Variants in ST6GAL1 observed in about 807,000 individuals in gnomAD.
ST6GAL1 encodes the protein ST6 beta-galactoside alpha-2,6-sialyltransferase 1, also known as beta-galactoside alpha-2,6-sialyltransferase 1.
ST6GAL1 carries 20 observed loss-of-function variants against 38.0 expected under a neutral mutation model. The ratio of observed to expected loss-of-function variants is 0.53; its 90% CI spans 0.37 to 0.77. The LOEUF (loss-of-function observed/expected upper bound fraction) is 0.77, where lower values mean the gene tolerates loss of function less well. ST6GAL1 is among the 30% of genes least tolerant of loss of function. The pLI, the probability that ST6GAL1 is intolerant of heterozygous loss-of-function variation, is 0.00. For missense variants in ST6GAL1, 432 were observed against 496.4 expected, an observed-to-expected ratio of 0.87 and a Z score of 1.23; for synonymous variants, 196 against 188.2, an observed-to-expected ratio of 1.04 and a Z score of -0.34.
intron 2 of ST6GAL1, among the ~76,000 whole-genome samples, chr3:186,992,415 T>C (rs1716203900): frequency 6.6e-6 from 1 of 152,270 alleles, no homozygotes; most frequent in Admixed American, 6.5e-5. Context: ...CTTTCCTTTA[T>C]AAATTACCCA....
intron 4 of ST6GAL1, among the ~76,000 whole-genome samples, chr3:187,046,839 G>A (rs1174593590): frequency 1.3e-5 from 2 of 152,232 alleles, no homozygotes; most frequent in Non-Finnish European, 2.9e-5. Context: ...CTCTGCTGTT[G>A]TACTGCAGAA....
chr3:186,935,854 G>A (rs1212206604), intron 1 of ST6GAL1, among the ~76,000 whole-genome samples: 2 of 151,878 alleles, frequency 1.3e-5, no homozygotes, highest in African/African-American at 2.4e-5. Context: ...GAGCAGTTGT[G>A]AAGTTTGTGT....
intron 4 of ST6GAL1, among the ~76,000 whole-genome samples, chr3:187,049,130 ATCC>A (rs1718422967): frequency 1.3e-5 from 2 of 152,162 alleles, no homozygotes; most frequent in African/African-American, 4.8e-5. Context: ...ACTTCAGGTG[ATCC>A]ACCCGCCTCG....
intron 5 of ST6GAL1, among the ~76,000 whole-genome samples, chr3:187,065,534 C>T (rs1719073479): frequency 6.6e-6 from 1 of 152,126 alleles, no homozygotes; most frequent in Non-Finnish European, 1.5e-5. Flanking sequence ...TGTAAATGGA[C>T]AGGTCTTTAA....
At position 187,022,166 on chromosome 3, in the gene ST6GAL1, C is replaced by A. The variant is rs1432720777; in HGVS notation, c.-182-16576C>A. Among the ~76,000 whole-genome samples, 2 of 152,138 alleles carry A rather than the reference C, an allele frequency of 1.3e-5. No individual in the cohort carries two copies. The highest frequency in any genetic ancestry group is 2.9e-5 in the Non-Finnish European group (2 of 68,028). On this transcript the variant is annotated intron_variant, in intron 2 of 7. Coordinates refer to ENST00000169298, the MANE Select transcript of ST6GAL1 (RefSeq NM_173216.2). ...ATGTCTTGGACACTAAGCCCTCAAT[C>A]TGTAGGATCTGACACTATTTCCAGG... is the stretch of plus-strand genomic sequence containing the variant.
rs768270629 is a variant in ST6GAL1 at position 186,940,354 on chromosome 3, A to G, written c.-325+9520A>G. Among the ~76,000 whole-genome samples the G allele has an allele frequency of 1.9e-3, 290 of 152,230 alleles. 2 individuals carry two copies. Among genetic ancestry groups the G allele is most frequent in the Middle Eastern group, 0.017 (5 of 294 alleles). On this transcript the variant is annotated intron_variant, in intron 1 of 7. Transcript: ENST00000169298. ...CCTCAGCTTATGCCATTCCTCCCTC[A>G]TTCCACTTCTCTTTGCAATGACTAC...
At chr3:187,010,312 T>C (rs942469090) in intron 2 of ST6GAL1, among the ~76,000 whole-genome samples, 10 of 152,244 alleles carry the variant, frequency 6.6e-5, no homozygotes, top group African/African-American at 2.4e-4. Context: ...AGCTCTATTG[T>C]AATTTTTTAG....
chr3:186,998,389 G>A (rs1436343798), intron 2 of ST6GAL1, among the ~76,000 whole-genome samples: 1 of 152,138 alleles, frequency 6.6e-6, no homozygotes, highest in African/African-American at 2.4e-5. Context: ...TTGTAATAAA[G>A]TAAGCTAGGG....
chr3:187,045,775 A>T (rs1718272866), intron 4 of ST6GAL1, among the ~76,000 whole-genome samples: 1 of 152,148 alleles, frequency 6.6e-6, no homozygotes, highest in African/African-American at 2.4e-5. Context: ...TATGTTAAAA[A>T]TTTTCTTCTA....
chr3:186,980,758 C>T (rs1715670698), intron 2 of ST6GAL1, among the ~76,000 whole-genome samples: 2 of 113,416 alleles, frequency 1.8e-5, no homozygotes, highest in South Asian at 6.6e-4. Context: ...GTGACAGAGA[C>T]TCCATCTCAA....
intron 2 of ST6GAL1, among the ~76,000 whole-genome samples, chr3:186,999,795 T>C (rs1716553970): frequency 6.6e-6 from 1 of 152,112 alleles, no homozygotes; most frequent in Non-Finnish European, 1.5e-5. Context: ...CTAAACTTGT[T>C]TTTCTTGTTT....
At chr3:187,018,951 C>T (rs569515545) in intron 2 of ST6GAL1, among the ~76,000 whole-genome samples, 2 of 152,300 alleles carry the variant, frequency 1.3e-5, no homozygotes, top group East Asian at 1.9e-4. Flanking sequence ...ACGTTCACCA[C>T]GGCAAACCTG....
At chr3:187,072,028 G>A (rs1238617681) in intron 5 of ST6GAL1, 1 of 152,110 alleles carries the variant, frequency 6.6e-6, no homozygotes, top group Non-Finnish European at 1.5e-5. Flanking sequence ...GAGTCAAAGA[G>A]TATAAATGTG....
rs1801380 is a variant in ST6GAL1, at chr3:187,077,852, G to A, written c.*2049G>A. 0.17 allele frequency: 26,215 copies of A among 152,376 alleles called. 2,662 individuals are homozygous for A. Among genetic ancestry groups the A allele is most frequent in the African/African-American group, 0.28 (11,468 of 41,480 alleles). 9.4% of individuals were successfully genotyped at this position (152,376 alleles called of 1,614,324 possible). On this transcript the variant is annotated 3_prime_UTR_variant, in exon 8 of 8. Coordinates refer to ENST00000169298, the MANE Select transcript of ST6GAL1 (RefSeq NM_173216.2). ...ACTGTCTTATTGGGAGACAACAACTGTCCTCCTTGGAACACCCAAGAAACC... is the reference window on the plus strand; with the variant it reads ...ACTGTCTTATTGGGAGACAACAACTATCCTCCTTGGAACACCCAAGAAACC...
At chr3:187,027,724 C>G (rs1027699810) in intron 2 of ST6GAL1, among the ~76,000 whole-genome samples, 2 of 152,020 alleles carry the variant, frequency 1.3e-5, no homozygotes, top group Admixed American at 6.6e-5. Context: ...GCTCAAACTG[C>G]AGGGGGCTGG....
At chr3:187,035,352 T>C (rs1717894171) in intron 2 of ST6GAL1, among the ~76,000 whole-genome samples, 1 of 152,208 alleles carries the variant, frequency 6.6e-6, no homozygotes, top group African/African-American at 2.4e-5. Context: ...GATTCAACAC[T>C]GTTCCTATCA....
chr3:187,027,726 G>C (rs763104734), intron 2 of ST6GAL1, among the ~76,000 whole-genome samples: 26 of 152,124 alleles, frequency 1.7e-4, no homozygotes, highest in Non-Finnish European at 3.5e-4. Context: ...TCAAACTGCA[G>C]GGGGCTGGGT....
chr3:186,981,246 AAGG>A (rs944356313), intron 2 of ST6GAL1, among the ~76,000 whole-genome samples: 5 of 152,228 alleles, frequency 3.3e-5, no homozygotes, highest in African/African-American at 1.2e-4. Flanking sequence ...ACGTGGAAAG[AAGG>A]CTAAGAAAAT....
intron 2 of ST6GAL1, among the ~76,000 whole-genome samples, chr3:187,022,191 G>T (rs562018157): frequency 6.6e-6 from 1 of 152,274 alleles, no homozygotes; most frequent in African/African-American, 2.4e-5. Context: ...CTATTTCCAG[G>T]TAGATAGTGT....
Sources: gnomAD v4.1 joint callset for allele counts (sites outside exome capture counted in the v4.1 genomes callset) on GRCh38, gnomAD v4.1.1 for gene constraint, MANE v1.5 for transcripts, NCBI Gene and HGNC (gene_info 2026-07-23, HGNC 2026-07-21) for gene names.